Variants in DPH6 observed in about 807,000 individuals in gnomAD.
The protein encoded by DPH6 is diphthine--ammonia ligase.
A neutral mutation model predicts 38.2 loss-of-function variants in DPH6; 33 were observed. That is an observed-to-expected ratio of 0.86 (90% CI 0.65 to 1.15). DPH6 has a LOEUF of 1.15. Among genes scored for constraint, DPH6 ranks in the 50% most tolerant of loss-of-function variants. DPH6 has a pLI of 0.00. For missense variants in DPH6, 325 were observed against 320.0 expected (o/e 1.02, Z -0.12); for synonymous variants, 108 against 103.0 (o/e 1.05, Z -0.30).
intron 1 of DPH6, among the ~76,000 whole-genome samples, chr15:35,545,096 A>AT (rs1326236939): frequency 1.3e-5 from 2 of 152,116 alleles, no homozygotes; most frequent in Non-Finnish European, 2.9e-5. Flanking sequence ...AATAGGTCAA[A>AT]ACTTACAGCC....
the DPH6 span, among the ~76,000 whole-genome samples, chr15:35,195,821 C>A: frequency 6.6e-6 from 1 of 152,004 alleles, no homozygotes; most frequent in Non-Finnish European, 1.5e-5. Flanking sequence ...AAAGCCCTAC[C>A]TCCTGGGTGC....
intron 3 of DPH6, among the ~76,000 whole-genome samples, chr15:35,481,123 T>C (rs1887114866): frequency 1.3e-5 from 2 of 152,188 alleles, no homozygotes; most frequent in South Asian, 4.1e-4. Context: ...ATTTGAAATG[T>C]GGCTAGTTAG....
chr15:35,452,216 G>A (rs534994612), intron 4 of DPH6, among the ~76,000 whole-genome samples: 1 of 152,102 alleles, frequency 6.6e-6, no homozygotes, highest in East Asian at 1.9e-4. Flanking sequence ...TCGTGCCTTT[G>A]CTTAAATGTC....
In DPH6 at chr15:35,440,170, G is replaced by A. The variant is rs188151608; in HGVS notation, c.505+10515C>T. Reference sequence around the variant, plus strand: ...ATCTGGTTCAATATTTTAATTCTGAGCAATTATCCTGAAAATCCTGCCAGG... The same window carrying A: ...ATCTGGTTCAATATTTTAATTCTGAACAATTATCCTGAAAATCCTGCCAGG... On this transcript the variant is annotated intron_variant, in intron 5 of 8. Transcript: ENST00000256538. Among the ~76,000 whole-genome samples the A allele has an allele frequency of 2.4e-4, 37 of 152,266 alleles. 1 individual carries two copies. Among genetic ancestry groups the A allele is most frequent in the African/African-American group, 7.2e-4 (30 of 41,544 alleles).
intron 6 of DPH6, among the ~76,000 whole-genome samples, chr15:35,395,565 A>G (rs993800283): frequency 6.6e-6 from 1 of 152,160 alleles, no homozygotes; most frequent in African/African-American, 2.4e-5. Context: ...TTGTCCTTGA[A>G]TGCCTTCTTG....
chr15:35,483,067 G>T (rs1388492144), intron 3 of DPH6, among the ~76,000 whole-genome samples: 2 of 151,954 alleles, frequency 1.3e-5, no homozygotes, highest in South Asian at 2.1e-4. Flanking sequence ...CACTAAAAAT[G>T]AGCAAAAGAT....
At chr15:35,413,818 A>G (rs1189595641) in intron 5 of DPH6, among the ~76,000 whole-genome samples, 2 of 151,476 alleles carry the variant, frequency 1.3e-5, no homozygotes, top group Non-Finnish European at 3.0e-5. Flanking sequence ...ATTAAGCTTT[A>G]TATATTTTTC....
At chr15:35,412,863 A>G (rs1458673350) in intron 5 of DPH6, among the ~76,000 whole-genome samples, 3 of 151,618 alleles carry the variant, frequency 2.0e-5, no homozygotes, top group Non-Finnish European at 3.0e-5. Flanking sequence ...AACACAGATG[A>G]TTTGTAGGGT....
the DPH6 span, among the ~76,000 whole-genome samples, chr15:35,157,963 C>A: frequency 2.0e-5 from 3 of 151,890 alleles, no homozygotes; most frequent in Non-Finnish European, 4.4e-5. Context: ...AAATCCTTAT[C>A]AGATCTTCTA....
At chr15:35,225,959 A>G (rs2051477543) in intron 3 of DPH6, among the ~76,000 whole-genome samples, 1 of 152,150 alleles carries the variant, frequency 6.6e-6, no homozygotes, top group Admixed American at 6.5e-5. Flanking sequence ...ATTAAAAATG[A>G]TTTATTGCTG....
intron 3 of DPH6, among the ~76,000 whole-genome samples, chr15:35,320,401 C>A (rs1396840700): frequency 6.6e-6 from 1 of 152,010 alleles, no homozygotes; most frequent in Non-Finnish European, 1.5e-5. Context: ...TATACACTTC[C>A]TTCTCTTTTG....
intron 3 of DPH6, among the ~76,000 whole-genome samples, chr15:35,509,228 C>T (rs1158005124): frequency 6.6e-6 from 1 of 152,162 alleles, no homozygotes; most frequent in Non-Finnish European, 1.5e-5. Flanking sequence ...CCATTTTTAA[C>T]CATCCTGTTT....
chr15:35,353,050 C>T (rs1212878471), intron 3 of DPH6, among the ~76,000 whole-genome samples: 1 of 151,856 alleles, frequency 6.6e-6, no homozygotes, highest in African/African-American at 2.4e-5. Context: ...AGAAATTTCT[C>T]ATGTCTTTTG....
intron 3 of DPH6, among the ~76,000 whole-genome samples, chr15:35,265,404 C>CT (rs1347205254): frequency 9.2e-5 from 14 of 152,328 alleles, no homozygotes; most frequent in African/African-American, 2.9e-4. Context: ...CACATGATGT[C>CT]TAAGTGTAGC....
At chr15:35,470,656 TTTGATAGGCCA>T (rs1490911428) in intron 3 of DPH6, among the ~76,000 whole-genome samples, 1 of 152,148 alleles carries the variant, frequency 6.6e-6, no homozygotes, top group East Asian at 1.9e-4. Flanking sequence ...ACAGACAGAA[TTTGATAGGCCA>T]TTTCCCAATC....
chr15:35,373,318 G>GT (rs1374845067), intron 8 of DPH6, among the ~76,000 whole-genome samples: 1 of 151,494 alleles, frequency 6.6e-6, no homozygotes, highest in African/African-American at 2.4e-5. Flanking sequence ...CATAAATGTA[G>GT]TATCTTTTGT....
In DPH6 at chr15:35,298,538, T is replaced by C. The variant is rs1321617364; in HGVS notation, n.200+74983A>G. 1.0e-5 allele frequency: 8 copies of C among 781,282 alleles called. No homozygotes were observed. The African/African-American group carries it at 1.4e-4, about 13-fold the overall frequency. 48.4% of individuals were successfully genotyped at this position (781,282 alleles called of 1,614,324 possible). On this transcript the variant is annotated intron_variant and non_coding_transcript_variant, in intron 3 of 3. Coordinates refer to the DPH6 transcript ENST00000560386. ...AACCATGTTCCTTAGTAGGACCACT[T>C]TATTAAGACACTTAAGTATTTCAGT...
At chr15:35,510,963 A>T (rs897719205) in intron 3 of DPH6, among the ~76,000 whole-genome samples, 1 of 152,284 alleles carries the variant, frequency 6.6e-6, no homozygotes, top group African/African-American at 2.4e-5. Context: ...ACTGACTTTG[A>T]ATCCCAAATA....
intron 6 of DPH6, among the ~76,000 whole-genome samples, chr15:35,395,710 T>C (rs999193168): frequency 6.6e-6 from 1 of 152,182 alleles, no homozygotes; most frequent in Non-Finnish European, 1.5e-5. Context: ...AGCTCCCAAG[T>C]GCTTTTATAG....
Sources: gnomAD v4.1 joint callset for allele counts (sites outside exome capture counted in the v4.1 genomes callset) on GRCh38, gnomAD v4.1.1 for gene constraint, MANE v1.5 for transcripts, NCBI Gene and HGNC (gene_info 2026-07-23, HGNC 2026-07-21) for gene names.